IGF2R: variants seen among roughly 807,000 people sequenced by gnomAD.
The protein encoded by IGF2R is cation-independent mannose-6-phosphate receptor.
Under a neutral mutation model 270.6 loss-of-function variants are expected in IGF2R, and 91 were observed. That is an observed-to-expected ratio of 0.34 (90% CI 0.28 to 0.40). The LOEUF (loss-of-function observed/expected upper bound fraction) is 0.40, where lower values mean the gene tolerates loss of function less well. Ranked by LOEUF, IGF2R falls within the 10% of genes least tolerant of loss-of-function variation. IGF2R has a pLI of 1.00. For synonymous variants in IGF2R, 1,316 were observed against 1,258.9 expected, an observed-to-expected ratio of 1.05 and a Z score of -0.96; for missense variants, 2,805 against 3,188.3, an observed-to-expected ratio of 0.88 and a Z score of 2.90.
At position 160,033,094 on chromosome 6, in the gene IGF2R, AATCAGACCCTCC is replaced by A; in HGVS notation, c.1199_1210del (p.Asn400_Leu403del). 1 of 1,612,748 alleles carries A rather than the reference AATCAGACCCTCC, an allele frequency of 6.2e-7. No homozygotes were observed. Among genetic ancestry groups the A allele is most frequent in the Non-Finnish European group, 8.5e-7 (1 of 1,178,998 alleles). On this transcript the variant is annotated inframe_deletion and splice_region_variant, in exon 9 of 48. Transcript: ENST00000356956. ...AGTCAAAGCAGCAGGAAGATACCAC[AATCAGACCCTCC>A]GGTACGTCAACAACCTCTGTGCGAT...
chr6:160,076,056 A>G (rs1778849245), intron 36 of IGF2R, 60 bp downstream of exon 36: 1 of 1,547,834 alleles, frequency 6.5e-7, no homozygotes, highest in Non-Finnish European at 8.9e-7. Context: ...CCAAGGCTAG[A>G]CAACCAGAAA....
At chr6:160,096,671 C>T in intron 45 of IGF2R, 46 bp downstream of exon 45, 1 of 1,456,118 alleles carries the variant, frequency 6.9e-7, no homozygotes, top group South Asian at 1.3e-5. Context: ...CCACATCTTC[C>T]CTTAAGAATA....
At chr6:159,987,921 T>C (rs1583243836) in intron 1 of IGF2R, among the ~76,000 whole-genome samples, 1 of 152,146 alleles carries the variant, frequency 6.6e-6, no homozygotes, top group East Asian at 1.9e-4. Context: ...TTGTGCTGAG[T>C]GGTTAAATCA....
At position 160,034,469 on chromosome 6, in the gene IGF2R, G is replaced by A. The variant is rs752608695; in HGVS notation, c.1262G>A (p.Ser421Asn). The A allele has an allele frequency of 6.2e-7, 1 of 1,611,600 alleles. No individual in the cohort carries two copies. ...ATATATTTTGGAGGTGATGAATGCA[G>A]CTCAGGGTTTCAGCGGATGAGCGTC... ...TLIYFGGDEC[S>N]SGFQRMSVIN... Residue 421 changes from serine (S) to asparagine (N), a missense_variant, in exon 10 of 48, where the codon AGC (serine) becomes AAC (asparagine). This residue lies in a region of IGF2R where 954 missense variants were observed against 981.1 expected (regional missense o/e 0.97). Transcript: ENST00000356956.
intron 5 of IGF2R, among the ~76,000 whole-genome samples, chr6:160,024,906 C>G (rs543586807): frequency 6.6e-6 from 1 of 152,264 alleles, no homozygotes; most frequent in South Asian, 2.1e-4. Context: ...CTCCCCAACC[C>G]CTGTAGATTC....
At position 160,084,095 on chromosome 6, in the gene IGF2R, G is replaced by A. The variant is rs954843008; in HGVS notation, c.5979G>A (p.Glu1993=). 2 of 1,614,178 alleles carry A rather than the reference G, an allele frequency of 1.2e-6. No individual in the cohort carries two copies. Among genetic ancestry groups the A allele is most frequent in the Admixed American group, 1.7e-5 (1 of 60,020 alleles). The change falls in exon 40 of 48, where the codon GAG becomes GAA. Residue 1993 remains glutamate, a synonymous_variant. Transcript: ENST00000356956. This position sits in a 1 kb window ranked among gnomAD's most constrained non-coding sequence, Gnocchi z 4.6. ...TKVVCPPKKL[E]CKFVQKHKTY... ...TTGTCTGCCCTCCAAAGAAGTTGGA[G>A]TGCAAATTCGTCCAGAAACACAAAA...
At position 160,073,271 on chromosome 6, in the gene IGF2R, C is replaced by T. The variant is rs746773259; in HGVS notation, c.4749C>T (p.Tyr1583=). The T allele has an allele frequency of 1.9e-5, 30 of 1,614,130 alleles. No homozygotes were observed. Among genetic ancestry groups the T allele is most frequent in the South Asian group, 6.6e-5 (6 of 91,096 alleles). The change falls in exon 34 of 48, where the codon TAC becomes TAT. Residue 1583 remains tyrosine, a synonymous_variant. Coordinates refer to ENST00000356956, the MANE Select transcript of IGF2R (RefSeq NM_000876.4). The stretch of plus-strand genomic sequence containing the variant: ...GCAAGGCCAACAAGAGGCTGAGATA[C>T]GTGGACCAGGTCCTGCAGCTGGTGT... ...SVGKANKRLR[Y]VDQVLQLVYK...
At chr6:160,093,923 T>C (rs1247136552) in intron 44 of IGF2R, 2 of 711,264 alleles carry the variant, frequency 2.8e-6, no homozygotes, top group Admixed American at 3.5e-5. Context: ...TGCCATATCT[T>C]TATCACAGAC....
intron 36 of IGF2R, among the ~76,000 whole-genome samples, chr6:160,076,230 A>C (rs1778852812): frequency 6.6e-6 from 1 of 152,238 alleles, no homozygotes; most frequent in Admixed American, 6.5e-5. Context: ...AACATAGAAC[A>C]CAAGTATAGA....
At chr6:160,045,443 T>G (rs928877456) in intron 13 of IGF2R, among the ~76,000 whole-genome samples, 2 of 152,224 alleles carry the variant, frequency 1.3e-5, no homozygotes, top group African/African-American at 2.4e-5. Context: ...GACATTGTTG[T>G]GTAATACCAC....
At chr6:160,049,718 A>G (rs1397200006) in intron 18 of IGF2R, among the ~76,000 whole-genome samples, 1 of 152,026 alleles carries the variant, frequency 6.6e-6, no homozygotes, top group Non-Finnish European at 1.5e-5. Context: ...GCCACTTAAC[A>G]CTCCTTAACC....
At chr6:159,986,455 T>G (rs1783889075) in intron 1 of IGF2R, among the ~76,000 whole-genome samples, 1 of 149,000 alleles carries the variant, frequency 6.7e-6, no homozygotes, top group Non-Finnish European at 1.5e-5. Flanking sequence ...TTAAGTAGAT[T>G]CAGGGTTTCA....
chr6:160,045,302 C>G (rs1253264400), intron 13 of IGF2R, among the ~76,000 whole-genome samples: 1 of 152,086 alleles, frequency 6.6e-6, no homozygotes, highest in African/African-American at 2.4e-5. Flanking sequence ...GAAATATTTC[C>G]TTTGGATAAG....
intron 12 of IGF2R, among the ~76,000 whole-genome samples, chr6:160,043,612 A>AT (rs1226335667): frequency 6.6e-6 from 1 of 152,212 alleles, no homozygotes; most frequent in East Asian, 1.9e-4. Flanking sequence ...ATTTTATTTT[A>AT]TTTTTTAACA....
chr6:159,989,197 G>A (rs1262313062), intron 1 of IGF2R, among the ~76,000 whole-genome samples: 6 of 152,144 alleles, frequency 3.9e-5, no homozygotes, highest in Admixed American at 3.3e-4. Flanking sequence ...TCTTGGCAGG[G>A]GGGTTTGATG....
In IGF2R at chr6:160,088,074, G is replaced by T; in HGVS notation, c.6247G>T (p.Gly2083Cys). The T allele has an allele frequency of 6.2e-7, 1 of 1,613,880 alleles. No homozygotes were observed. The highest frequency in any genetic ancestry group is 8.5e-7 in the Non-Finnish European group (1 of 1,179,738). Residue 2083 changes from glycine to cysteine, a missense_variant, in exon 42 of 48, where the codon GGT (glycine) becomes TGT (cysteine). Gly to Cys is a radical substitution (Grantham distance 159). This residue lies in a region of IGF2R where 1,851 missense variants were observed against 2,207.2 expected (regional missense o/e 0.84). Transcript: ENST00000356956. Reference protein sequence around the residue: ...VVTYSKGYPCGGNKTASSVIE... With the variant: ...VVTYSKGYPCCGNKTASSVIE... ...CACGTACTCCAAAGGTTATCCGTGTGGTGGAAATAAGACCGCATCCTCCGT... is the reference window on the plus strand; with the variant it reads ...CACGTACTCCAAAGGTTATCCGTGTTGTGGAAATAAGACCGCATCCTCCGT...
chr6:160,080,119 T>G lies in IGF2R; in HGVS notation c.5687-10T>G. The G allele has an allele frequency of 6.2e-7, 1 of 1,613,896 alleles. No individual in the cohort carries two copies. The highest frequency in any genetic ancestry group is 8.5e-7 in the Non-Finnish European group (1 of 1,179,910). On this transcript the variant is annotated splice_polypyrimidine_tract_variant and intron_variant, in intron 38 of 47. Coordinates refer to ENST00000356956, the MANE Select transcript of IGF2R (RefSeq NM_000876.4). ...AGCTGCCACACTGATAATGTTCTTC[T>G]TCTTTCCAGAAACCGATGACGGCGT...
chr6:160,067,612 C>T (rs1043834073), intron 29 of IGF2R, among the ~76,000 whole-genome samples: 5 of 152,152 alleles, frequency 3.3e-5, no homozygotes, highest in African/African-American at 4.8e-5. Context: ...TAAGAGCTGC[C>T]GCTGAGGTGG....
intron 4 of IGF2R, among the ~76,000 whole-genome samples, chr6:160,013,211 T>C (rs1197116050): frequency 2.0e-5 from 3 of 152,254 alleles, no homozygotes; most frequent in South Asian, 4.1e-4. Context: ...ATAAAATGAA[T>C]AGCAACTTGT....
Sources: gnomAD v4.1 joint callset for allele counts (sites outside exome capture counted in the v4.1 genomes callset) on GRCh38, gnomAD v4.1.1 for gene constraint, gnomAD v4.1.1 regional missense constraint, Gnocchi (gnomAD v3.1) non-coding constraint, MANE v1.5 for transcripts, NCBI Gene and HGNC (gene_info 2026-07-23, HGNC 2026-07-21) for gene names.